The following MLIP variants were observed in gnomAD, a reference collection of about 807,000 sequenced individuals.
MLIP encodes the protein muscular LMNA interacting protein, also known as muscular LMNA-interacting protein.
MLIP carries 79 observed loss-of-function variants against 84.8 expected under a neutral mutation model. The ratio of observed to expected loss-of-function variants is 0.93; its 90% CI spans 0.78 to 1.12. The LOEUF (loss-of-function observed/expected upper bound fraction) is 1.12, where lower values mean the gene tolerates loss of function less well. MLIP is among the 50% of genes most tolerant of loss of function. The pLI is 0.00. For synonymous variants in MLIP, 504 were observed against 463.0 expected (o/e 1.09, Z -1.14); for missense variants, 1,257 against 1,160.6 (o/e 1.08, Z -1.21).
At chr6:54,150,572 G>A (rs998536652) in intron 5 of MLIP, among the ~76,000 whole-genome samples, 37 of 152,298 alleles carry the variant, frequency 2.4e-4, no homozygotes, top group African/African-American at 8.7e-4. Flanking sequence ...GAGGCAAAGA[G>A]GAGATGAGGA....
intron 11 of MLIP, among the ~76,000 whole-genome samples, chr6:54,224,732 C>T (rs748138927): frequency 6.6e-6 from 1 of 151,576 alleles, no homozygotes; most frequent in East Asian, 1.9e-4. Context: ...ATCCCTCGAC[C>T]CCCTTGCACT....
chr6:54,028,251 C>T (rs1763931572), intron 1 of MLIP, among the ~76,000 whole-genome samples: 1 of 152,168 alleles, frequency 6.6e-6, no homozygotes, highest in South Asian at 2.1e-4. Context: ...TATTTTCTTG[C>T]ATGGGTAGCT....
At chr6:54,118,729 A>G (rs1770172769) in intron 1 of MLIP, among the ~76,000 whole-genome samples, 1 of 152,192 alleles carries the variant, frequency 6.6e-6, no homozygotes, top group Non-Finnish European at 1.5e-5. Flanking sequence ...TGAGGAGACA[A>G]CCTACAGAAT....
intron 11 of MLIP, chr6:54,216,739 T>A: frequency 1.0e-6 from 1 of 985,410 alleles, no homozygotes; most frequent in Non-Finnish European, 1.2e-6. Flanking sequence ...TTTGAAAAAA[T>A]GCATATGGAT....
intron 13 of MLIP, among the ~76,000 whole-genome samples, chr6:54,264,855 T>G (rs1328303677): frequency 1.3e-5 from 2 of 152,126 alleles, no homozygotes; most frequent in East Asian, 3.9e-4. Flanking sequence ...AGAGCAGTCA[T>G]GAGCCACCCC....
chr6:54,231,650 T>A (rs944065127), intron 12 of MLIP, among the ~76,000 whole-genome samples: 3 of 152,212 alleles, frequency 2.0e-5, no homozygotes, highest in African/African-American at 7.2e-5. Context: ...GTACAGATGC[T>A]CAGACCCTGA....
intron 1 of MLIP, among the ~76,000 whole-genome samples, chr6:54,028,033 A>T (rs907304334): frequency 1.3e-5 from 2 of 152,200 alleles, no homozygotes; most frequent in Non-Finnish European, 2.9e-5. Flanking sequence ...CCCTAAGGGA[A>T]TGACAAATAG....
intron 1 of MLIP, among the ~76,000 whole-genome samples, chr6:54,043,843 T>A (rs1408340283): frequency 6.6e-6 from 1 of 152,114 alleles, no homozygotes; most frequent in Non-Finnish European, 1.5e-5. Context: ...AGAAAATATG[T>A]GTCATGGTGA....
chr6:54,078,218 A>G (rs1247990302), intron 1 of MLIP, among the ~76,000 whole-genome samples: 2 of 152,208 alleles, frequency 1.3e-5, no homozygotes, highest in African/African-American at 2.4e-5. Context: ...AAAATTTTAC[A>G]TTTATAAAAT....
intron 1 of MLIP, among the ~76,000 whole-genome samples, chr6:54,118,943 A>G (rs1770195365): frequency 6.6e-6 from 1 of 152,230 alleles, no homozygotes; most frequent in Non-Finnish European, 1.5e-5. Flanking sequence ...TCATAATGAA[A>G]AAGATGCTCA....
intron 10 of MLIP, among the ~76,000 whole-genome samples, chr6:54,195,005 C>G (rs926877114): frequency 2.6e-5 from 4 of 151,912 alleles, no homozygotes; most frequent in African/African-American, 9.7e-5. Flanking sequence ...TCTGTATTAT[C>G]TGAATGAGTA....
chr6:54,163,871 T>C lies in MLIP; in HGVS notation c.2499+3072T>C, dbSNP rs149957548. Among the ~76,000 whole-genome samples the C allele has an allele frequency of 2.2e-3, 333 of 151,988 alleles. 1 individual carries two copies. Among genetic ancestry groups the C allele is most frequent in the African/African-American group, 7.7e-3 (318 of 41,516 alleles). Reference sequence around the variant, plus strand: ...AAAGCAAGATCTTTTTGTGTAGATTTTGTGAACTCTGTTCATGATAACATC... The same window carrying C: ...AAAGCAAGATCTTTTTGTGTAGATTCTGTGAACTCTGTTCATGATAACATC... On this transcript the variant is annotated intron_variant, in intron 8 of 13. Coordinates refer to ENST00000502396, the MANE Select transcript of MLIP (RefSeq NM_001281747.2).
intron 1 of MLIP, among the ~76,000 whole-genome samples, chr6:54,037,545 A>C (rs968283904): frequency 2.0e-5 from 3 of 152,106 alleles, no homozygotes; most frequent in Middle Eastern, 3.4e-3. Flanking sequence ...CCAAACAGTA[A>C]CACTGTTCTC....
intron 1 of MLIP, among the ~76,000 whole-genome samples, chr6:54,058,460 G>C (rs1338339004): frequency 2.6e-5 from 4 of 152,172 alleles, no homozygotes; most frequent in Non-Finnish European, 5.9e-5. Context: ...TCTGGAGAAA[G>C]GGTAGCCTTT....
At chr6:54,233,377 G>C (rs977508754) in intron 12 of MLIP, among the ~76,000 whole-genome samples, 4 of 149,280 alleles carry the variant, frequency 2.7e-5, no homozygotes, top group African/African-American at 9.9e-5. Flanking sequence ...CCCTCTCTGT[G>C]TCCATGTGTT....
intron 13 of MLIP, chr6:54,261,603 GCT>G: frequency 1.0e-6 from 1 of 985,102 alleles, no homozygotes; most frequent in Non-Finnish European, 1.2e-6. Flanking sequence ...TGGTATATAA[GCT>G]TTCTGAGTTT....
At chr6:54,063,079 G>A (rs1278037170) in intron 1 of MLIP, among the ~76,000 whole-genome samples, 1 of 151,994 alleles carries the variant, frequency 6.6e-6, no homozygotes, top group Non-Finnish European at 1.5e-5. Flanking sequence ...GGTGGCGTAC[G>A]CCTGTAATCC....
chr6:54,213,377 G>A (rs554876966), intron 11 of MLIP, among the ~76,000 whole-genome samples: 3 of 152,176 alleles, frequency 2.0e-5, no homozygotes, highest in Admixed American at 2.0e-4. Context: ...TATAGATTTT[G>A]TAACACTAAA....
In MLIP at chr6:54,137,059, A is replaced by C; in HGVS notation, c.990A>C (p.Thr330=). Residue 330 remains threonine, a synonymous_variant, in exon 4 of 14, where the codon ACA becomes ACC. Coordinates refer to ENST00000502396, the MANE Select transcript of MLIP (RefSeq NM_001281747.2). ...PGLTSEVLKK[T]TLTSHVLSHG... is the part of the protein sequence containing the mutation. ...TGACCTCTGAAGTTCTCAAGAAGAC[A>C]ACTTTAACCTCGCATGTCCTTAGTC... 1 of 1,536,048 alleles carries C rather than the reference A, an allele frequency of 6.5e-7. No individual in the cohort carries two copies. The highest frequency in any genetic ancestry group is 8.7e-7 in the Non-Finnish European group (1 of 1,146,872).
Sources: allele counts gnomAD v4.1 joint callset (sites outside exome capture counted in the v4.1 genomes callset), GRCh38; gene constraint gnomAD v4.1.1; transcripts MANE v1.5; gene names NCBI Gene and HGNC (gene_info 2026-07-23, HGNC 2026-07-21).